APLF: variants seen among roughly 807,000 people sequenced by gnomAD.
APLF encodes aprataxin and PNKP like factor.
Under a neutral mutation model 55.6 loss-of-function variants are expected in APLF, and 61 were observed. The ratio of observed to expected loss-of-function variants is 1.10; its 90% CI spans 0.89 to 1.36. APLF has a LOEUF of 1.36. Among genes scored for constraint, APLF ranks in the 40% most tolerant of loss-of-function variants. The pLI, the probability that APLF is intolerant of heterozygous loss-of-function variation, is 0.00. For missense variants in APLF, 611 were observed against 602.5 expected, an observed-to-expected ratio of 1.01 and a Z score of -0.15; for synonymous variants, 207 against 214.8, an observed-to-expected ratio of 0.96 and a Z score of 0.32.
At chr2:68,490,447 G>A (rs1188698053) in intron 2 of APLF, among the ~76,000 whole-genome samples, 186 bp downstream of exon 2, 2 of 152,054 alleles carry the variant, frequency 1.3e-5, no homozygotes, top group African/African-American at 4.8e-5. Flanking sequence ...TTTTCTCATA[G>A]GACAATGCCA....
chr2:68,529,144 C>G lies in APLF; in HGVS notation c.804+2902C>G, dbSNP rs1311005923. 6 of 1,320,404 alleles carry G rather than the reference C, an allele frequency of 4.5e-6. No homozygotes were observed. In the African/African-American group the frequency reaches 9.0e-5, roughly 20 times the overall value. The allele number at this position is 1,320,404 out of a possible 1,614,324, so 81.8% of individuals were successfully genotyped here. A position where few individuals can be genotyped will look rare whatever the true frequency, so the allele number is the denominator to read the frequency against. The stretch of plus-strand genomic sequence containing the variant: ...CAAACATCCTGGAGTTGCGAGCAGA[C>G]AGCACGGGTTTCTTCCTTGAGGGGG... On this transcript the variant is annotated intron_variant, in intron 6 of 9. Transcript: ENST00000303795. The surrounding 1 kb of genome is among the most constrained non-coding windows in gnomAD (Gnocchi z 4.4).
intron 6 of APLF, chr2:68,531,227 T>C (rs1670246527): frequency 6.6e-6 from 1 of 152,150 alleles, no homozygotes; most frequent in Non-Finnish European, 1.5e-5. Context: ...GAGAGAAAGA[T>C]AGAGATGGCC....
In APLF at chr2:68,535,234, A is replaced by G. The variant is rs148521339; in HGVS notation, c.805-2638A>G. 6.6e-4 allele frequency: 251 copies of G among 381,074 alleles called. No homozygotes were observed. In the East Asian group the frequency reaches 0.01, roughly 15 times the overall value. 23.6% of individuals were successfully genotyped at this position (381,074 alleles called of 1,614,324 possible). ...AATATGATACTATGGATTTTGTTAT[A>G]TTTCATTTTCATTGGCTTATTTTTT... On this transcript the variant is annotated intron_variant, in intron 6 of 9. Coordinates refer to ENST00000303795, the MANE Select transcript of APLF (RefSeq NM_173545.3).
intron 5 of APLF, among the ~76,000 whole-genome samples, chr2:68,518,417 TA>T (rs1669727070): frequency 8.9e-6 from 1 of 112,278 alleles, no homozygotes; most frequent in Non-Finnish European, 1.6e-5. Context: ...TTATATATTA[TA>T]TAATAATTTA....
intron 6 of APLF, among the ~76,000 whole-genome samples, chr2:68,526,531 G>A (rs1670058097): frequency 1.3e-5 from 2 of 152,152 alleles, no homozygotes; most frequent in Non-Finnish European, 2.9e-5. Context: ...TCTTATTTTG[G>A]AAGGGATTCT....
At chr2:68,504,517 A>C (rs962362274) in intron 3 of APLF, among the ~76,000 whole-genome samples, 5 of 151,982 alleles carry the variant, frequency 3.3e-5, no homozygotes, top group African/African-American at 1.2e-4. Context: ...AACAGACTAA[A>C]GAACTATCAT....
intron 1 of APLF, among the ~76,000 whole-genome samples, chr2:68,485,727 C>A (rs1382202301): frequency 6.6e-6 from 1 of 151,928 alleles, no homozygotes; most frequent in Non-Finnish European, 1.5e-5. Flanking sequence ...TCTCTCCCAG[C>A]CTTACCCTCT....
In APLF at chr2:68,481,777, A is replaced by C. The variant is rs532347643; in HGVS notation, c.97-8413A>C. Among the ~76,000 whole-genome samples the C allele has an allele frequency of 1.5e-4, 23 of 152,228 alleles. No individual in the cohort carries two copies. The South Asian group carries it at 4.6e-3, about 30-fold the overall frequency. On this transcript the variant is annotated intron_variant, in intron 1 of 9. Transcript: ENST00000303795. ...CGCTTAATGTTGTCCCATAAATTCA[A>C]TCGGTTTTCTTCATTCTAGTATATA... is the stretch of plus-strand genomic sequence containing the variant.
chr2:68,499,300 A>G (rs188914199), intron 2 of APLF, among the ~76,000 whole-genome samples: 1 of 152,318 alleles, frequency 6.6e-6, no homozygotes, highest in East Asian at 1.9e-4. Context: ...TCTTTTAATC[A>G]TGGTGAGGTT....
intron 2 of APLF, among the ~76,000 whole-genome samples, chr2:68,496,078 A>G (rs1426179918): frequency 1.3e-5 from 2 of 152,004 alleles, no homozygotes; most frequent in Non-Finnish European, 2.9e-5. Context: ...ATTGTCTTGG[A>G]TATTAGAACT....
intron 6 of APLF, chr2:68,528,453 G>T: frequency 6.5e-7 from 1 of 1,534,106 alleles, no homozygotes; most frequent in South Asian, 1.2e-5. Context: ...TGCAGGGGAG[G>T]GGTTGGTTGC....
chr2:68,578,057 T>G lies in APLF; in HGVS notation c.*35T>G, dbSNP rs1196013270. 7 of 1,585,280 alleles carry G rather than the reference T, an allele frequency of 4.4e-6. No homozygotes were observed. The East Asian group carries it at 6.9e-5, about 16-fold the overall frequency. ...TCTGTAGTCATATCTGCCTTACATT[T>G]ACTTTTTCTTTGTGGGAAAACATTT... On this transcript the variant is annotated 3_prime_UTR_variant, in exon 10 of 10. Transcript: ENST00000303795.
intron 1 of APLF, among the ~76,000 whole-genome samples, chr2:68,468,265 G>A (rs948596486): frequency 6.6e-6 from 1 of 152,182 alleles, no homozygotes; most frequent in Non-Finnish European, 1.5e-5. Context: ...TTACAGAAAA[G>A]TTTGCCAAAC....
intron 3 of APLF, among the ~76,000 whole-genome samples, 188 bp downstream of exon 3, chr2:68,503,091 ATC>A (rs900505932): frequency 1.3e-5 from 2 of 152,086 alleles, no homozygotes; most frequent in African/African-American, 4.8e-5. Context: ...GCATGTGTGT[ATC>A]TGTTTCTAGA....
chr2:68,521,877 A>G (rs1295649678), intron 5 of APLF, among the ~76,000 whole-genome samples: 1 of 151,996 alleles, frequency 6.6e-6, no homozygotes, highest in African/African-American at 2.4e-5. Flanking sequence ...GCATTTATAC[A>G]TTATTGTAAT....
chr2:68,518,457 AT>A (rs1335872730), intron 5 of APLF, among the ~76,000 whole-genome samples: 10 of 114,520 alleles, frequency 8.7e-5, no homozygotes, highest in Non-Finnish European at 1.6e-4. Context: ...TATATTATAT[AT>A]TATATAACAT....
Position 68,579,980 on chromosome 2 carries a change from G to A in APLF, c.*1958G>A, listed in dbSNP as rs1453769497. 1.1e-6 allele frequency: 1 copy of A among 874,036 alleles called. No individual in the cohort carries two copies. Among genetic ancestry groups the A allele is most frequent in the Non-Finnish European group, 1.4e-6 (1 of 728,692 alleles). 54.1% of individuals were successfully genotyped at this position (874,036 alleles called of 1,614,324 possible). A position where few individuals can be genotyped will look rare whatever the true frequency, so the allele number is the denominator to read the frequency against. On this transcript the variant is annotated 3_prime_UTR_variant, in exon 10 of 10. Transcript: ENST00000303795. ...AATAAATCTGTCACAAAAAAGTAAT[G>A]CAAAGGGTAATACCAGTCTTTTAGA...
intron 6 of APLF, among the ~76,000 whole-genome samples, chr2:68,534,821 T>C (rs528556942): frequency 6.6e-6 from 1 of 152,336 alleles, no homozygotes; most frequent in South Asian, 2.1e-4. Flanking sequence ...TGTTTCCTGT[T>C]CCCTCACTCG....
At chr2:68,532,137 A>G (rs973995382) in intron 6 of APLF, among the ~76,000 whole-genome samples, 3 of 152,154 alleles carry the variant, frequency 2.0e-5, no homozygotes, top group Non-Finnish European at 4.4e-5. Context: ...GAGTCTGAAC[A>G]CTGAACCTTT....
Sources: allele counts gnomAD v4.1 joint callset (sites outside exome capture counted in the v4.1 genomes callset), GRCh38; gene constraint gnomAD v4.1.1; non-coding constraint Gnocchi (gnomAD v3.1); transcripts MANE v1.5; gene names NCBI Gene and HGNC (gene_info 2026-07-23, HGNC 2026-07-21).